Variants in HEXB observed in about 807,000 individuals in gnomAD.
The protein encoded by HEXB is hexosaminidase subunit beta, also known as beta-hexosaminidase subunit beta.
A neutral mutation model predicts 71.2 loss-of-function variants in HEXB; 51 were observed. The observed-to-expected ratio is 0.72, with a 90% CI of 0.57 to 0.90. The LOEUF is 0.90. Ranked by LOEUF, HEXB falls within the 40% of genes least tolerant of loss-of-function variation. The pLI, the probability that HEXB is intolerant of heterozygous loss-of-function variation, is 0.00. For missense variants in HEXB, 617 were observed against 677.0 expected (o/e 0.91, Z 0.98); for synonymous variants, 266 against 249.3 (o/e 1.07, Z -0.63).
intron 6 of HEXB, among the ~76,000 whole-genome samples, chr5:74,711,638 C>T (rs1178946766): frequency 2.0e-5 from 3 of 152,054 alleles, no homozygotes; most frequent in Non-Finnish European, 4.4e-5. Context: ...TGAACAGACA[C>T]TTCTCAAAAG....
chr5:74,715,779 G>T, intron 8 of HEXB, 89 bp downstream of exon 8: 1 of 860,768 alleles, frequency 1.2e-6, no homozygotes, highest in Non-Finnish European at 1.9e-6. Context: ...CACTTTGGGA[G>T]GCAGAGGCAG....
At position 74,697,029 on chromosome 5, in the gene HEXB, C is replaced by G; in HGVS notation, c.592C>G (p.Pro198Ala). Residue 198 changes from proline to alanine, a missense_variant, in exon 5 of 14, where the codon CCA (proline) becomes GCA (alanine). Coordinates refer to ENST00000261416, the MANE Select transcript of HEXB (RefSeq NM_000521.4). ...CAATGAATCCACCATTATTGATTCT[C>G]CAAGGTTTTCTCACAGAGGAATTTT... ...TINESTIIDSPRFSHRGILID... is the reference protein window; with the variant it reads ...TINESTIIDSARFSHRGILID... 1 of 1,581,028 alleles carries G rather than the reference C, an allele frequency of 6.3e-7. No individual in the cohort carries two copies. Among genetic ancestry groups the G allele is most frequent in the Non-Finnish European group, 8.7e-7 (1 of 1,150,984 alleles).
intron 3 of HEXB, 105 bp from the exon 4 acceptor site, chr5:74,696,588 A>G: frequency 1.5e-6 from 1 of 681,152 alleles, no homozygotes; most frequent in South Asian, 1.6e-5. Flanking sequence ...CACTATATTC[A>G]ATTATATTTG....
chr5:74,680,366 G>A (rs1748716371), upstream of HEXB, among the ~76,000 whole-genome samples: 1 of 152,178 alleles, frequency 6.6e-6, no homozygotes, highest in Non-Finnish European at 1.5e-5. Context: ...GTCCACCACT[G>A]TATTTTTGTG....
At chr5:74,659,565 G>T (rs1284709056) in intron 1 of HEXB, among the ~76,000 whole-genome samples, 1 of 152,168 alleles carries the variant, frequency 6.6e-6, no homozygotes, top group Non-Finnish European at 1.5e-5. Flanking sequence ...TGTAAAGAAG[G>T]ATGGGAAGGT....
At chr5:74,677,490 C>CTTTT (rs566302720) in intron 1 of HEXB, among the ~76,000 whole-genome samples, 160 of 77,222 alleles carry the variant, frequency 2.1e-3, no homozygotes, top group Non-Finnish European at 3.2e-3. Flanking sequence ...TCTTCTTCTT[C>CTTTT]TTTTTTTTTT....
chr5:74,708,673 CAAAGATCA>C (rs1561223673), intron 6 of HEXB, among the ~76,000 whole-genome samples: 1 of 151,856 alleles, frequency 6.6e-6, no homozygotes, highest in Non-Finnish European at 1.5e-5. Flanking sequence ...TTTAAACCAA[CAAAGATCA>C]AAAGAGACAA....
Position 74,700,001 on chromosome 5 carries a change from C to CTTT in HEXB, c.669+2918_669+2920dup, listed in dbSNP as rs58177670. Among the ~76,000 whole-genome samples the CTTT allele has an allele frequency of 1.9e-3, 75 of 40,374 alleles. 1 individual carries two copies. Among genetic ancestry groups the CTTT allele is most frequent in the Middle Eastern group, 0.028 (1 of 36 alleles). 26.5% of individuals were successfully genotyped at this position (40,374 alleles called of 152,430 possible). ...TTTTATATTATAAACTGTAAGTTTC[C>CTTT]TTTTTTTTTTTTTTTTTTTTTTTTT... On this transcript the variant is annotated intron_variant, in intron 5 of 13. Coordinates refer to ENST00000261416, the MANE Select transcript of HEXB (RefSeq NM_000521.4).
intron 5 of HEXB, among the ~76,000 whole-genome samples, chr5:74,702,373 C>T (rs1041360169): frequency 2.0e-5 from 3 of 152,126 alleles, no homozygotes; most frequent in Admixed American, 6.5e-5. Context: ...CCACCGCGCC[C>T]GGCCTCCTTG....
At chr5:74,692,503 T>A (rs1269043349) in intron 2 of HEXB, among the ~76,000 whole-genome samples, 1 of 152,202 alleles carries the variant, frequency 6.6e-6, no homozygotes, top group Non-Finnish European at 1.5e-5. Context: ...AAGAATTTGC[T>A]ATAGATGTAG....
chr5:74,696,111 A>G (rs1218258258), intron 3 of HEXB, among the ~76,000 whole-genome samples: 2 of 152,226 alleles, frequency 1.3e-5, no homozygotes, highest in African/African-American at 4.8e-5. Flanking sequence ...TATAGCTGTC[A>G]GCTAGAATGA....
chr5:74,647,055 C>T (rs1365764279), intron 1 of HEXB, among the ~76,000 whole-genome samples: 4 of 152,186 alleles, frequency 2.6e-5, no homozygotes. Context: ...GGAGAGTGTG[C>T]TTGGTAAAAG....
At chr5:74,713,832 TTTTG>T (rs1251379872) in intron 7 of HEXB, among the ~76,000 whole-genome samples, 197 bp downstream of exon 7, 1 of 150,136 alleles carries the variant, frequency 6.7e-6, no homozygotes, top group Non-Finnish European at 1.5e-5. Flanking sequence ...CCCAGCTAAT[TTTTG>T]TTTTTGTTTT....
chr5:74,712,532 G>T (rs1395750204), intron 6 of HEXB, among the ~76,000 whole-genome samples: 1 of 152,086 alleles, frequency 6.6e-6, no homozygotes, highest in Non-Finnish European at 1.5e-5. Flanking sequence ...CATTTGCAGT[G>T]GGATACAAAT....
chr5:74,708,473 C>G (rs1220816710), intron 6 of HEXB, among the ~76,000 whole-genome samples: 2 of 148,808 alleles, frequency 1.3e-5, no homozygotes, highest in African/African-American at 4.9e-5. Context: ...ACTAAATGCT[C>G]CAATTAAAAG....
chr5:74,676,805 T>C (rs1255128494), intron 1 of HEXB, among the ~76,000 whole-genome samples: 1 of 152,170 alleles, frequency 6.6e-6, no homozygotes, highest in Non-Finnish European at 1.5e-5. Context: ...GAAGGGGCAG[T>C]TCCTAGTTGT....
At chr5:74,643,485 A>C (rs923413876) in intron 1 of HEXB, among the ~76,000 whole-genome samples, 1 of 152,192 alleles carries the variant, frequency 6.6e-6, no homozygotes, top group Admixed American at 6.5e-5. Flanking sequence ...AACACTTCAC[A>C]CAAGACATTA....
upstream of HEXB, among the ~76,000 whole-genome samples, chr5:74,681,424 T>C (rs1363125134): frequency 6.6e-6 from 1 of 152,146 alleles, no homozygotes; most frequent in African/African-American, 2.4e-5. Flanking sequence ...TGAGAAACCC[T>C]GATTTAAAAT....
At position 74,641,500 on chromosome 5, in the gene HEXB, C is replaced by A; in HGVS notation, c.-377+942C>A. ...GCGCACCACGTGCTTTTCAGCCAAT[C>A]GCCGCGGCCGCTTGATTCAAAGTGA... On this transcript the variant is annotated intron_variant, in intron 1 of 13. Coordinates refer to the HEXB transcript ENST00000511181. This position sits in a 1 kb window ranked among gnomAD's most constrained non-coding sequence, Gnocchi z 4.1. 6.6e-6 allele frequency: 1 copy of A among 152,466 alleles called. No homozygotes were observed. The highest frequency in any genetic ancestry group is 2.4e-5 in the African/African-American group (1 of 41,586). The allele number at this position is 152,466 out of a possible 1,614,324, so 9.4% of individuals were successfully genotyped here.
Sources: allele counts gnomAD v4.1 joint callset (sites outside exome capture counted in the v4.1 genomes callset), GRCh38; gene constraint gnomAD v4.1.1; non-coding constraint Gnocchi (gnomAD v3.1); transcripts MANE v1.5; gene names NCBI Gene and HGNC (gene_info 2026-07-23, HGNC 2026-07-21).